Variants in SYT1 observed in about 807,000 individuals in gnomAD.
The protein encoded by SYT1 is synaptotagmin 1.
In SYT1, 8 loss-of-function variants were observed where a neutral mutation model predicts 44.8. That is an observed-to-expected ratio of 0.18 (90% confidence interval 0.10 to 0.32). The LOEUF (loss-of-function observed/expected upper bound fraction) is 0.32, where lower values mean the gene tolerates loss of function less well. Among genes scored for constraint, SYT1 ranks in the 10% least tolerant of loss-of-function variants. The probability of loss-of-function intolerance (pLI) is 1.00; values close to 1 mark genes in which losing one functional copy is unlikely to be tolerated. For synonymous variants in SYT1, 154 were observed against 188.8 expected (o/e 0.82, Z 1.51); for missense variants, 286 against 509.3 (o/e 0.56, Z 4.22).
intron 2 of SYT1, among the ~76,000 whole-genome samples, chr12:79,046,844 A>G (rs1874103097): frequency 6.6e-6 from 1 of 151,972 alleles, no homozygotes; most frequent in Admixed American, 6.6e-5. Context: ...TGTTTCTAAC[A>G]TCGGTGAAAA....
At chr12:79,102,728 G>A (rs569599146) in intron 3 of SYT1, among the ~76,000 whole-genome samples, 19 of 152,246 alleles carry the variant, frequency 1.2e-4, no homozygotes, top group African/African-American at 4.6e-4. Context: ...TACCTCATTG[G>A]CTGTCATTGA....
At chr12:78,960,444 T>C (rs759265106) in intron 1 of SYT1, 1 of 152,204 alleles carries the variant, frequency 6.6e-6, no homozygotes, top group Non-Finnish European at 1.5e-5. Flanking sequence ...GTTTCCCTTA[T>C]CTTAAAGAAA....
chr12:78,901,780 A>G (rs1334160004), intron 1 of SYT1, among the ~76,000 whole-genome samples: 1 of 152,150 alleles, frequency 6.6e-6, no homozygotes, highest in African/African-American at 2.4e-5. Context: ...ATCAAACTCC[A>G]TCATACATGC....
intron 4 of SYT1, among the ~76,000 whole-genome samples, chr12:79,234,437 G>A (rs1157870384): frequency 6.6e-6 from 1 of 152,106 alleles, no homozygotes; most frequent in Non-Finnish European, 1.5e-5. Flanking sequence ...TCTAGTTATG[G>A]GCAGTTATTA....
intron 4 of SYT1, among the ~76,000 whole-genome samples, chr12:79,257,535 C>A (rs1173984812): frequency 6.6e-6 from 1 of 152,158 alleles, no homozygotes; most frequent in Non-Finnish European, 1.5e-5. Flanking sequence ...GGCCGGACTG[C>A]GGACTGCAGT....
intron 3 of SYT1, among the ~76,000 whole-genome samples, chr12:79,071,948 C>T (rs1466811442): frequency 6.6e-6 from 1 of 152,144 alleles, no homozygotes; most frequent in African/African-American, 2.4e-5. Flanking sequence ...ACACAAAACA[C>T]TTACTCAGCT....
chr12:79,413,764 ACT>A (rs1291052262), intron 9 of SYT1, among the ~76,000 whole-genome samples: 2 of 152,128 alleles, frequency 1.3e-5, no homozygotes, highest in East Asian at 3.9e-4. Flanking sequence ...AAGTTTGAAT[ACT>A]CTCTCTTAAT....
intron 9 of SYT1, among the ~76,000 whole-genome samples, chr12:79,365,419 CTAAA>C (rs1221861958): frequency 6.6e-6 from 1 of 151,686 alleles, no homozygotes; most frequent in Non-Finnish European, 1.5e-5. Context: ...CAAATGAGAC[CTAAA>C]TAAATAGAAA....
chr12:79,342,629 A>G (rs923701672), intron 8 of SYT1, among the ~76,000 whole-genome samples: 4 of 152,246 alleles, frequency 2.6e-5, no homozygotes, highest in Admixed American at 6.5e-5. Flanking sequence ...ATTTGATCAC[A>G]TGGTGAAGAC....
At chr12:79,171,301 A>T (rs1871506931) in intron 3 of SYT1, among the ~76,000 whole-genome samples, 1 of 152,004 alleles carries the variant, frequency 6.6e-6, no homozygotes, top group Admixed American at 6.6e-5. Flanking sequence ...CATTTTCATG[A>T]TATTGATTCT....
intron 2 of SYT1, among the ~76,000 whole-genome samples, chr12:78,983,995 C>G (rs143552562): frequency 6.6e-6 from 1 of 151,306 alleles, no homozygotes; most frequent in Non-Finnish European, 1.5e-5. Flanking sequence ...TCAGTGAATC[C>G]AAGAATAATA....
intron 8 of SYT1, among the ~76,000 whole-genome samples, chr12:79,322,310 T>C (rs1881400949): frequency 1.3e-5 from 2 of 152,204 alleles, no homozygotes; most frequent in Non-Finnish European, 2.9e-5. Flanking sequence ...TATCCTCAAA[T>C]GGAAACTGCC....
At chr12:79,232,676 T>C (rs543194984) in intron 4 of SYT1, among the ~76,000 whole-genome samples, 1 of 152,356 alleles carries the variant, frequency 6.6e-6, no homozygotes, top group Admixed American at 6.5e-5. Flanking sequence ...TTATAAATTT[T>C]ACTTTTATTA....
At chr12:79,155,638 A>G (rs777403623) in intron 3 of SYT1, among the ~76,000 whole-genome samples, 1 of 152,246 alleles carries the variant, frequency 6.6e-6, no homozygotes, top group African/African-American at 2.4e-5. Flanking sequence ...TGTACTTTAT[A>G]TATCAGAAAA....
At chr12:79,113,138 G>T (rs938023180) in intron 3 of SYT1, among the ~76,000 whole-genome samples, 5 of 152,134 alleles carry the variant, frequency 3.3e-5, no homozygotes, top group Admixed American at 3.3e-4. Flanking sequence ...CCATTTTTAG[G>T]ATATTTGTGT....
At chr12:79,020,889 G>T (rs1420937671) in intron 2 of SYT1, among the ~76,000 whole-genome samples, 1 of 151,880 alleles carries the variant, frequency 6.6e-6, no homozygotes, top group Non-Finnish European at 1.5e-5. Context: ...ACTCCAAAGG[G>T]CTTCAAGAAG....
intron 9 of SYT1, among the ~76,000 whole-genome samples, chr12:79,424,375 T>TG (rs1406265806): frequency 6.6e-6 from 1 of 152,146 alleles, no homozygotes; most frequent in Non-Finnish European, 1.5e-5. Context: ...ATGTATTGTG[T>TG]TTGTGTGCTG....
chr12:79,397,514 T>C (rs1884916161), intron 9 of SYT1, among the ~76,000 whole-genome samples: 1 of 152,142 alleles, frequency 6.6e-6, no homozygotes, highest in African/African-American at 2.4e-5. Context: ...AGGCTTGAGC[T>C]ACCATGCGTG....
intron 2 of SYT1, among the ~76,000 whole-genome samples, chr12:79,043,132 T>A (rs2137738352): frequency 1.3e-5 from 2 of 151,254 alleles, no homozygotes; most frequent in Non-Finnish European, 1.5e-5. Context: ...TCTGTAGATG[T>A]CTATTAGGTC....
Sources: allele counts gnomAD v4.1 joint callset (sites outside exome capture counted in the v4.1 genomes callset), GRCh38; gene constraint gnomAD v4.1.1; transcripts MANE v1.5; gene names NCBI Gene and HGNC (gene_info 2026-07-23, HGNC 2026-07-21).